Variants in IL1RAPL1 observed in about 807,000 individuals in gnomAD.
The protein encoded by IL1RAPL1 is interleukin 1 receptor accessory protein like 1.
A neutral mutation model predicts 48.4 loss-of-function variants in IL1RAPL1; 3 were observed. The observed-to-expected ratio is 0.06, with a 90% CI of 0.03 to 0.16. The LOEUF is 0.16. Among genes scored for constraint, IL1RAPL1 ranks in the 10% least tolerant of loss-of-function variants. The probability of loss-of-function intolerance (pLI) is 1.00; values close to 1 mark genes in which losing one functional copy is unlikely to be tolerated. For synonymous variants in IL1RAPL1, 185 were observed against 187.7 expected (o/e 0.99, Z 0.12); for missense variants, 349 against 530.6 (o/e 0.66, Z 3.36).
rs1341456513 is a variant in IL1RAPL1, at chrX:29,650,920, A to T, written c.704-17510A>T. On this transcript the variant is annotated intron_variant, in intron 5 of 10. Coordinates refer to ENST00000378993, the MANE Select transcript of IL1RAPL1 (RefSeq NM_014271.4). ...ACAAAATATATAAGGAATTCAAACA[A>T]CTCAATAGAAAAAAGTCAAATAACC... 2.7e-5 allele frequency among the ~76,000 whole-genome samples: 3 copies of T among 110,964 alleles called. No individual in the cohort carries two copies. In the East Asian group the frequency reaches 8.4e-4, roughly 31 times the overall value.
intron 5 of IL1RAPL1, among the ~76,000 whole-genome samples, chrX:29,615,051 A>ATAT (rs1924242969): frequency 8.9e-6 from 1 of 112,239 alleles, no homozygotes; most frequent in African/African-American, 3.2e-5. Flanking sequence ...AGATGTATAG[A>ATAT]CATGTACCCA....
In IL1RAPL1 at chrX:29,360,736, A is replaced by G. The variant is rs181296155; in HGVS notation, c.363-35522A>G. ...GCACTAAATCGAAGTCCAAAACCAT[A>G]TCTGCTTTTTATCCCAGTACTTTAG... On this transcript the variant is annotated intron_variant, in intron 3 of 10. Coordinates refer to ENST00000378993, the MANE Select transcript of IL1RAPL1 (RefSeq NM_014271.4). 2.7e-5 allele frequency among the ~76,000 whole-genome samples: 3 copies of G among 112,029 alleles called. No individual in the cohort carries two copies. The East Asian group carries it at 8.4e-4, about 31-fold the overall frequency.
At chrX:29,094,771 CAAAAAAAAAAAAAAAAA>C (rs1163805144) in intron 2 of IL1RAPL1, among the ~76,000 whole-genome samples, 2 of 5,907 alleles carry the variant, frequency 3.4e-4, no homozygotes, top group African/African-American at 5.4e-4. Flanking sequence ...AACTCCATCT[CAAAAAAAAAAAAAAAAA>C]AAAAAAAAAA....
chrX:29,954,948 C>T (rs1467628523), intron 10 of IL1RAPL1, among the ~76,000 whole-genome samples, 154 bp from the exon 11 acceptor site: 1 of 111,062 alleles, frequency 9.0e-6, no homozygotes, highest in Non-Finnish European at 1.9e-5. Flanking sequence ...AGATTTGTAC[C>T]GGGAAAAAAA....
chrX:29,307,409 G>A (rs1283900746), intron 3 of IL1RAPL1, among the ~76,000 whole-genome samples: 1 of 110,780 alleles, frequency 9.0e-6, no homozygotes, highest in East Asian at 2.8e-4. Context: ...AAATTATGAA[G>A]ATAATCATGT....
intron 5 of IL1RAPL1, among the ~76,000 whole-genome samples, chrX:29,414,161 T>C (rs1477940288): frequency 9.0e-6 from 1 of 110,562 alleles, no homozygotes; most frequent in Non-Finnish European, 1.9e-5. Flanking sequence ...AGACAGAAAA[T>C]AGAGTAGAGA....
Position 29,744,497 on chromosome X carries a change from A to T in IL1RAPL1, c.778+75993A>T, listed in dbSNP as rs752113081. Among the ~76,000 whole-genome samples the T allele has an allele frequency of 1.2e-4, 14 of 112,457 alleles. No individual in the cohort carries two copies. The South Asian group carries it at 5.1e-3, about 41-fold the overall frequency. On this transcript the variant is annotated intron_variant, in intron 6 of 10. Transcript: ENST00000378993. ...CACCTTAAGGATCTTTGTTTTAACT[A>T]TAAAATTTAGAAAATATTCCTTGAT...
At chrX:29,678,094 T>G (rs898389407) in intron 6 of IL1RAPL1, among the ~76,000 whole-genome samples, 20 of 111,419 alleles carry the variant, frequency 1.8e-4, no homozygotes, top group Non-Finnish European at 3.6e-4. Context: ...TCACTTCTTT[T>G]TATCTTAATG....
intron 5 of IL1RAPL1, among the ~76,000 whole-genome samples, chrX:29,510,375 A>G (rs1026422510): frequency 8.9e-6 from 1 of 112,281 alleles, no homozygotes; most frequent in African/African-American, 3.2e-5. Context: ...ATTCTTTGAA[A>G]GGTGGCATTT....
chrX:28,588,767 C>T (rs1471649712), intron 1 of IL1RAPL1, among the ~76,000 whole-genome samples: 1 of 112,215 alleles, frequency 8.9e-6, no homozygotes, highest in Non-Finnish European at 1.9e-5. Flanking sequence ...TAAATATCAC[C>T]ACAGTGCTTT....
chrX:29,856,283 C>A (rs186481521), intron 6 of IL1RAPL1, among the ~76,000 whole-genome samples: 171 of 111,607 alleles, frequency 1.5e-3, no homozygotes, highest in African/African-American at 5.2e-3. Flanking sequence ...GCCTGGAATC[C>A]TTGATGCTCT....
Position 29,172,764 on chromosome X carries a change from C to G in IL1RAPL1, c.83-110174C>G, listed in dbSNP as rs189008112. ...TGAGTCTTGTGTGATTAAACATTGA[C>G]AAGCCGGAAGACTTTGGGGAATCAT... On this transcript the variant is annotated intron_variant, in intron 2 of 10. Transcript: ENST00000378993. Among the ~76,000 whole-genome samples, 16 of 111,728 alleles carry G rather than the reference C, an allele frequency of 1.4e-4. No individual in the cohort carries two copies. The East Asian group carries it at 4.2e-3, about 30-fold the overall frequency.
At chrX:29,137,274 A>ACACC (rs1325700872) in intron 2 of IL1RAPL1, among the ~76,000 whole-genome samples, 1 of 110,207 alleles carries the variant, frequency 9.1e-6, no homozygotes, top group African/African-American at 3.3e-5. Context: ...ACACACACAC[A>ACACC]CACACACACA....
At chrX:29,431,035 C>T (rs1478961007) in intron 5 of IL1RAPL1, among the ~76,000 whole-genome samples, 1 of 111,560 alleles carries the variant, frequency 9.0e-6, no homozygotes, top group Non-Finnish European at 1.9e-5. Context: ...AATAACTTTT[C>T]TGGAAGCCAC....
intron 6 of IL1RAPL1, among the ~76,000 whole-genome samples, chrX:29,777,086 G>A (rs1480735998): frequency 8.9e-6 from 1 of 111,897 alleles, no homozygotes; most frequent in Non-Finnish European, 1.9e-5. Flanking sequence ...CAGTAATCAC[G>A]CATGTCAATC....
At chrX:29,751,822 C>T (rs1928469506) in intron 6 of IL1RAPL1, among the ~76,000 whole-genome samples, 1 of 107,872 alleles carries the variant, frequency 9.3e-6, no homozygotes, top group African/African-American at 3.4e-5. Flanking sequence ...GTCCTATCTA[C>T]CTGGGAGGCT....
chrX:29,460,297 T>C (rs2147733238), intron 5 of IL1RAPL1, among the ~76,000 whole-genome samples: 1 of 112,197 alleles, frequency 8.9e-6, no homozygotes, highest in African/African-American at 3.2e-5. Flanking sequence ...CTGAGATTAG[T>C]TTATATCTCC....
intron 5 of IL1RAPL1, among the ~76,000 whole-genome samples, chrX:29,594,035 G>A (rs1923465363): frequency 8.9e-6 from 1 of 112,167 alleles, no homozygotes; most frequent in African/African-American, 3.2e-5. Flanking sequence ...ATTCTCCTTT[G>A]TTGGCAGCAA....
At chrX:29,650,414 G>C (rs997925690) in intron 5 of IL1RAPL1, among the ~76,000 whole-genome samples, 3 of 110,737 alleles carry the variant, frequency 2.7e-5, no homozygotes, top group African/African-American at 9.8e-5. Context: ...CATGATACTG[G>C]CATAAAAACA....
Sources: allele counts gnomAD v4.1 joint callset (sites outside exome capture counted in the v4.1 genomes callset), GRCh38; gene constraint gnomAD v4.1.1; transcripts MANE v1.5; gene names NCBI Gene and HGNC (gene_info 2026-07-23, HGNC 2026-07-21).